Variants in FGF12 observed in about 807,000 individuals in gnomAD.
FGF12 encodes the protein fibroblast growth factor 12.
In FGF12, 14 loss-of-function variants were observed where a neutral mutation model predicts 23.6. The observed-to-expected ratio is 0.59, with a 90% CI of 0.39 to 0.93. The LOEUF is 0.93. Ranked by LOEUF, FGF12 falls within the 40% of genes least tolerant of loss-of-function variation. The pLI is 0.00. For synonymous variants in FGF12, 62 were observed against 77.3 expected (o/e 0.80, Z 1.04); for missense variants, 175 against 217.8 (o/e 0.80, Z 1.24).
chr3:192,725,438 C>T (rs774651637), intron 2 of FGF12, among the ~76,000 whole-genome samples: 4 of 152,024 alleles, frequency 2.6e-5, no homozygotes, highest in Admixed American at 1.3e-4. Context: ...TGATTCTTTT[C>T]GGATGTATTT....
intron 4 of FGF12, among the ~76,000 whole-genome samples, chr3:192,274,385 A>G (rs931398564): frequency 6.6e-6 from 1 of 152,202 alleles, no homozygotes; most frequent in African/African-American, 2.4e-5. Flanking sequence ...CAGAGAAAGT[A>G]CTTCAAAAAT....
chr3:192,237,200 G>A (rs1719348359), intron 4 of FGF12, among the ~76,000 whole-genome samples: 1 of 152,158 alleles, frequency 6.6e-6, no homozygotes, highest in Non-Finnish European at 1.5e-5. Context: ...GCTGAAAAGT[G>A]CACTATAGCC....
intron 4 of FGF12, among the ~76,000 whole-genome samples, chr3:192,258,108 G>A (rs1337057762): frequency 1.3e-5 from 2 of 151,720 alleles, no homozygotes; most frequent in Admixed American, 6.6e-5. Context: ...GCAGGGGAGA[G>A]AGGAACCAGG....
At chr3:192,567,656 G>C (rs1712363878) in intron 2 of FGF12, among the ~76,000 whole-genome samples, 1 of 152,086 alleles carries the variant, frequency 6.6e-6, no homozygotes, top group Non-Finnish European at 1.5e-5. Context: ...TTTAGCTTCT[G>C]TTAATGCCAG....
chr3:192,427,381 A>G (rs767167853), intron 2 of FGF12, among the ~76,000 whole-genome samples: 2 of 23,420 alleles, frequency 8.5e-5, no homozygotes, highest in African/African-American at 3.0e-4. Context: ...TCCGTCTCTG[A>G]AAAAAAAAAA....
intron 3 of FGF12, among the ~76,000 whole-genome samples, chr3:192,343,155 T>C (rs771599974): frequency 3.3e-5 from 5 of 152,188 alleles, no homozygotes; most frequent in Admixed American, 6.5e-5. Context: ...CAGTTGTATT[T>C]AGAAATTCTA....
At chr3:192,340,029 A>G (rs1717618855) in intron 3 of FGF12, among the ~76,000 whole-genome samples, 3 of 152,160 alleles carry the variant, frequency 2.0e-5, no homozygotes, top group African/African-American at 7.2e-5. Context: ...AATCTACAAC[A>G]TACATTTGTG....
chr3:192,436,566 GCTTTGACTT>G, intron 2 of FGF12, among the ~76,000 whole-genome samples: 1 of 152,314 alleles, frequency 6.6e-6, no homozygotes, highest in Middle Eastern at 3.4e-3. Flanking sequence ...CTGGAGCAAG[GCTTTGACTT>G]CGGTAGTTTT....
intron 2 of FGF12, among the ~76,000 whole-genome samples, chr3:192,505,161 A>G (rs971899369): frequency 1.4e-4 from 21 of 152,160 alleles, no homozygotes; most frequent in African/African-American, 4.8e-4. Flanking sequence ...GTATTTTTAA[A>G]TACAGACAAG....
chr3:192,471,740 A>T (rs1723179068), intron 2 of FGF12, among the ~76,000 whole-genome samples: 1 of 152,242 alleles, frequency 6.6e-6, no homozygotes, highest in African/African-American at 2.4e-5. Context: ...TTTATGCTCA[A>T]AATGAACATG....
intron 2 of FGF12, among the ~76,000 whole-genome samples, chr3:192,481,144 G>A (rs902365402): frequency 2.0e-5 from 3 of 152,080 alleles, no homozygotes; most frequent in Non-Finnish European, 4.4e-5. Flanking sequence ...TCAGAATACT[G>A]CATATAAGAG....
chr3:192,486,218 T>C (rs1168347568), intron 2 of FGF12, among the ~76,000 whole-genome samples: 1 of 152,182 alleles, frequency 6.6e-6, no homozygotes, highest in African/African-American at 2.4e-5. Context: ...ACTGGAGTTA[T>C]ATATCAATGA....
At chr3:192,347,978 G>A (rs1718040724) in intron 3 of FGF12, among the ~76,000 whole-genome samples, 1 of 152,168 alleles carries the variant, frequency 6.6e-6, no homozygotes, top group Non-Finnish European at 1.5e-5. Flanking sequence ...GGCAAGTGGA[G>A]ATACTCATAT....
intron 2 of FGF12, among the ~76,000 whole-genome samples, chr3:192,526,729 CTT>C (rs773010921): frequency 2.6e-5 from 4 of 152,130 alleles, no homozygotes; most frequent in Non-Finnish European, 4.4e-5. Context: ...GAATTGAAAA[CTT>C]TACCCGAGTT....
chr3:192,185,392 A>G (rs1206644919), intron 4 of FGF12, among the ~76,000 whole-genome samples: 1 of 152,186 alleles, frequency 6.6e-6, no homozygotes, highest in African/African-American at 2.4e-5. Context: ...AGCCTGTTCC[A>G]TGTCGGGAGT....
At chr3:192,618,997 A>G (rs888280299) in intron 2 of FGF12, among the ~76,000 whole-genome samples, 1 of 151,654 alleles carries the variant, frequency 6.6e-6, no homozygotes, top group Non-Finnish European at 1.5e-5. Flanking sequence ...AAATATATAT[A>G]TGTCAATATA....
At chr3:192,176,760 T>C (rs1257503582) in intron 4 of FGF12, among the ~76,000 whole-genome samples, 1 of 152,242 alleles carries the variant, frequency 6.6e-6, no homozygotes, top group Non-Finnish European at 1.5e-5. Flanking sequence ...ACAGATGATG[T>C]ATGGTAAGTT....
chr3:192,204,077 G>T (rs1451978119), intron 4 of FGF12, among the ~76,000 whole-genome samples: 1 of 152,070 alleles, frequency 6.6e-6, no homozygotes, highest in Non-Finnish European at 1.5e-5. Flanking sequence ...TCCAACCAAT[G>T]ATAGATGGCA....
intron 2 of FGF12, among the ~76,000 whole-genome samples, chr3:192,717,110 T>C (rs1371318046): frequency 3.3e-5 from 5 of 152,114 alleles, no homozygotes; most frequent in African/African-American, 7.2e-5. Context: ...CCTGCAGAGA[T>C]TGGGTATTCT....
Sources: allele counts gnomAD v4.1 joint callset (sites outside exome capture counted in the v4.1 genomes callset), GRCh38; gene constraint gnomAD v4.1.1; transcripts MANE v1.5; gene names NCBI Gene and HGNC (gene_info 2026-07-23, HGNC 2026-07-21).